ASIC2: variants seen among roughly 807,000 people sequenced by gnomAD.
The protein encoded by ASIC2 is acid-sensing ion channel 2.
ASIC2 carries 25 observed loss-of-function variants against 57.3 expected under a neutral mutation model. That is an observed-to-expected ratio of 0.44 (90% CI 0.32 to 0.61). The LOEUF (loss-of-function observed/expected upper bound fraction) is 0.61. ASIC2 is among the 20% of genes least tolerant of loss of function. ASIC2 has a pLI of 0.06. For missense variants in ASIC2, 641 were observed against 738.1 expected (o/e 0.87, Z 1.52); for synonymous variants, 319 against 307.5 (o/e 1.04, Z -0.39).
intron 1 of ASIC2, among the ~76,000 whole-genome samples, chr17:34,080,440 G>A (rs1395164702): frequency 6.6e-6 from 1 of 152,204 alleles, no homozygotes; most frequent in Non-Finnish European, 1.5e-5. Context: ...AACAAACTTA[G>A]AGCTGGTGAG....
intron 1 of ASIC2, among the ~76,000 whole-genome samples, chr17:33,252,892 C>T (rs1213563618): frequency 1.3e-5 from 2 of 152,124 alleles, no homozygotes; most frequent in Non-Finnish European, 2.9e-5. Context: ...GGAGTACTGT[C>T]CTATCCTCTA....
chr17:33,376,106 G>A (rs1042355928), intron 1 of ASIC2, among the ~76,000 whole-genome samples: 2 of 152,128 alleles, frequency 1.3e-5, no homozygotes, highest in African/African-American at 4.8e-5. Flanking sequence ...TAGACTGGAA[G>A]ACATACCCTA....
chr17:33,281,432 G>A (rs1293906262), intron 1 of ASIC2, among the ~76,000 whole-genome samples: 5 of 152,200 alleles, frequency 3.3e-5, no homozygotes, highest in Non-Finnish European at 7.3e-5. Flanking sequence ...CCTGTGCTGT[G>A]CTTTTACATA....
At chr17:33,950,918 AT>A (rs67906236) in intron 1 of ASIC2, among the ~76,000 whole-genome samples, 40,469 of 151,974 alleles carry the variant, frequency 0.27, 5,826 homozygotes, top group Admixed American at 0.36. Context: ...CTCTTATTAT[AT>A]TAACTGTCAG....
At chr17:33,463,487 A>G (rs1912710089) in intron 1 of ASIC2, among the ~76,000 whole-genome samples, 1 of 152,222 alleles carries the variant, frequency 6.6e-6, no homozygotes, top group Non-Finnish European at 1.5e-5. Context: ...CAATATTTCC[A>G]ATGTCTGTCA....
chr17:33,920,622 G>T (rs1915689040), intron 1 of ASIC2, among the ~76,000 whole-genome samples: 1 of 152,148 alleles, frequency 6.6e-6, no homozygotes, highest in Non-Finnish European at 1.5e-5. Context: ...TCACTACCTG[G>T]GTGATGAGAT....
intron 1 of ASIC2, among the ~76,000 whole-genome samples, chr17:33,544,694 A>G (rs1375940018): frequency 6.6e-6 from 1 of 152,194 alleles, no homozygotes; most frequent in Non-Finnish European, 1.5e-5. Flanking sequence ...ATGATGACAC[A>G]ATGCTTTTAT....
chr17:33,118,212 GGA>G (rs1019586969), intron 1 of ASIC2, among the ~76,000 whole-genome samples: 5 of 152,198 alleles, frequency 3.3e-5, no homozygotes, highest in African/African-American at 1.2e-4. Flanking sequence ...TGTAGAATAA[GGA>G]GAGAGTCTCA....
At chr17:33,500,772 T>C (rs1327546167) in intron 1 of ASIC2, among the ~76,000 whole-genome samples, 1 of 152,230 alleles carries the variant, frequency 6.6e-6, no homozygotes, top group Non-Finnish European at 1.5e-5. Context: ...AGATGTGTGT[T>C]TTCCTCATGT....
At chr17:33,356,696 C>A (rs1003480315) in intron 1 of ASIC2, among the ~76,000 whole-genome samples, 2 of 152,158 alleles carry the variant, frequency 1.3e-5, no homozygotes, top group African/African-American at 4.8e-5. Flanking sequence ...AGGGCCAACA[C>A]CTGGCTGCAC....
chr17:33,312,804 C>T (rs1212173748), intron 1 of ASIC2, among the ~76,000 whole-genome samples: 2 of 151,902 alleles, frequency 1.3e-5, no homozygotes, highest in East Asian at 1.9e-4. Context: ...GGCATGGTGG[C>T]GCATGCCTGT....
At chr17:33,967,848 C>A (rs537588571) in intron 1 of ASIC2, among the ~76,000 whole-genome samples, 1 of 152,274 alleles carries the variant, frequency 6.6e-6, no homozygotes, top group South Asian at 2.1e-4. Flanking sequence ...TGCACAGGGC[C>A]CTGTGCTCAG....
In ASIC2 at chr17:33,292,699, TGGCTGGGCGGGC is replaced by T; in HGVS notation, c.-596_-585del. 1 of 985,480 alleles carries T rather than the reference TGGCTGGGCGGGC, an allele frequency of 1.0e-6. No homozygotes were observed. Among genetic ancestry groups the T allele is most frequent in the Non-Finnish European group, 1.2e-6 (1 of 830,006 alleles). The allele number at this position is 985,480 out of a possible 1,614,324, so 61.0% of individuals were successfully genotyped here. A position where few individuals can be genotyped will look rare whatever the true frequency, so the allele number is the denominator to read the frequency against. On this transcript the variant is annotated 5_prime_UTR_variant, in exon 1 of 10. Transcript: ENST00000225823. ...GCCCCCAGAGGCGCACCGCGGCTCC[TGGCTGGGCGGGC>T]GGGGTGGGTGTGTACGGGGGTGAGT...
At chr17:33,681,229 C>T (rs1907991194) in intron 1 of ASIC2, among the ~76,000 whole-genome samples, 1 of 152,240 alleles carries the variant, frequency 6.6e-6, no homozygotes, top group African/African-American at 2.4e-5. Flanking sequence ...CATTTCACTC[C>T]CCTTATTCAT....
At chr17:33,593,784 C>T (rs1266276573) in intron 1 of ASIC2, among the ~76,000 whole-genome samples, 1 of 152,202 alleles carries the variant, frequency 6.6e-6, no homozygotes, top group Admixed American at 6.5e-5. Context: ...GAACAAGCCT[C>T]AGATTCTTGA....
At chr17:33,544,995 C>T (rs1392700272) in intron 1 of ASIC2, among the ~76,000 whole-genome samples, 1 of 152,168 alleles carries the variant, frequency 6.6e-6, no homozygotes, top group Non-Finnish European at 1.5e-5. Context: ...GTGCTGGGAA[C>T]TGTCTTACTT....
intron 1 of ASIC2, among the ~76,000 whole-genome samples, chr17:33,867,084 A>C (rs1255776238): frequency 6.6e-6 from 1 of 152,250 alleles, no homozygotes; most frequent in Non-Finnish European, 1.5e-5. Context: ...TCTGGGAAAC[A>C]GAGACTTAAG....
intron 1 of ASIC2, among the ~76,000 whole-genome samples, chr17:33,763,465 C>G (rs1010013868): frequency 6.6e-6 from 1 of 152,144 alleles, no homozygotes; most frequent in African/African-American, 2.4e-5. Context: ...AGCAGAAGGG[C>G]CTTTTCCCTT....
intron 1 of ASIC2, among the ~76,000 whole-genome samples, chr17:34,123,052 A>C (rs1210865408): frequency 1.3e-5 from 2 of 152,222 alleles, no homozygotes; most frequent in African/African-American, 4.8e-5. Flanking sequence ...CCCAGTCAAC[A>C]GCTCTGTGGG....
Sources: allele counts gnomAD v4.1 joint callset (sites outside exome capture counted in the v4.1 genomes callset), GRCh38; gene constraint gnomAD v4.1.1; transcripts MANE v1.5; gene names NCBI Gene and HGNC (gene_info 2026-07-23, HGNC 2026-07-21).